Variants in NXPH1 observed in about 807,000 individuals in gnomAD.
The protein encoded by NXPH1 is neurexophilin-1.
In NXPH1, 5 loss-of-function variants were observed where a neutral mutation model predicts 23.7. That is an observed-to-expected ratio of 0.21 (90% CI 0.11 to 0.44). The LOEUF (loss-of-function observed/expected upper bound fraction) is 0.44. Among genes scored for constraint, NXPH1 ranks in the 20% least tolerant of loss-of-function variants. NXPH1 has a pLI of 0.99. For missense variants in NXPH1, 324 were observed against 321.6 expected (o/e 1.01, Z -0.06); for synonymous variants, 144 against 122.2 (o/e 1.18, Z -1.18).
intron 2 of NXPH1, among the ~76,000 whole-genome samples, chr7:8,447,805 C>T (rs1233492066): frequency 6.6e-6 from 1 of 152,190 alleles, no homozygotes; most frequent in Non-Finnish European, 1.5e-5. Flanking sequence ...TTCCCCCCCA[C>T]CCTTGATGTT....
intron 2 of NXPH1, among the ~76,000 whole-genome samples, chr7:8,460,969 C>T (rs922220661): frequency 2.0e-5 from 3 of 152,206 alleles, no homozygotes; most frequent in African/African-American, 7.2e-5. Context: ...ATTTCCCTTA[C>T]TTTTGGCTAT....
rs1040140012 is a variant in NXPH1 at position 8,434,652 on chromosome 7, G to A, written c.-214G>A. 7 of 152,714 alleles carry A rather than the reference G, an allele frequency of 4.6e-5. No individual in the cohort carries two copies. The highest frequency in any genetic ancestry group is 1.2e-4 in the African/African-American group (5 of 41,466). 9.5% of individuals were successfully genotyped at this position (152,714 alleles called of 1,614,324 possible). On this transcript the variant is annotated 5_prime_UTR_variant, in exon 1 of 3. Coordinates refer to ENST00000405863, the MANE Select transcript of NXPH1 (RefSeq NM_152745.3). The surrounding 1 kb of genome is among the most constrained non-coding windows in gnomAD (Gnocchi z 7.6). ...CTCGAGCATGGAGACGGAGCGCCTG[G>A]GAGGGCACGTCCGGGGCGCTGGAGA... is the stretch of plus-strand genomic sequence containing the variant.
intron 2 of NXPH1, among the ~76,000 whole-genome samples, chr7:8,634,697 C>CCCG (rs1272511200): frequency 1.3e-5 from 1 of 76,370 alleles, no homozygotes; most frequent in Non-Finnish European, 2.6e-5. Flanking sequence ...TTTTTTTTTC[C>CCCG]AAAGAGCAGC....
chr7:8,447,819 C>T (rs1406818924), intron 2 of NXPH1, among the ~76,000 whole-genome samples: 3 of 152,168 alleles, frequency 2.0e-5, no homozygotes, highest in African/African-American at 7.2e-5. Flanking sequence ...TGATGTTCCT[C>T]GAACAAGTGG....
intron 2 of NXPH1, among the ~76,000 whole-genome samples, chr7:8,436,964 C>T (rs1163893744): frequency 6.6e-6 from 1 of 152,244 alleles, no homozygotes; most frequent in Non-Finnish European, 1.5e-5. Context: ...ATGTGAGTGA[C>T]ACGTATATAT....
intron 2 of NXPH1, among the ~76,000 whole-genome samples, chr7:8,554,592 G>C (rs1023453281): frequency 6.6e-6 from 1 of 151,622 alleles, no homozygotes; most frequent in Non-Finnish European, 1.5e-5. Flanking sequence ...TCCTTTCTTA[G>C]GTTCACATTT....
intron 2 of NXPH1, among the ~76,000 whole-genome samples, chr7:8,486,654 C>A (rs1193412671): frequency 1.3e-5 from 2 of 152,154 alleles, no homozygotes; most frequent in Non-Finnish European, 2.9e-5. Context: ...CCAGCCCTGC[C>A]TGCCTCTCCA....
chr7:8,694,456 A>T (rs192857090), intron 2 of NXPH1, among the ~76,000 whole-genome samples: 1 of 152,320 alleles, frequency 6.6e-6, no homozygotes, highest in African/African-American at 2.4e-5. Flanking sequence ...CAACTTGGTC[A>T]TATGGTAGAG....
chr7:8,590,241 C>T (rs1168450703), intron 2 of NXPH1, among the ~76,000 whole-genome samples: 1 of 152,096 alleles, frequency 6.6e-6, no homozygotes, highest in African/African-American at 2.4e-5. Context: ...CGAAACTCTG[C>T]ATCCAGAGTT....
At chr7:8,447,803 C>G (rs376348561) in intron 2 of NXPH1, among the ~76,000 whole-genome samples, 2 of 152,308 alleles carry the variant, frequency 1.3e-5, no homozygotes, top group South Asian at 2.1e-4. Flanking sequence ...GATTCCCCCC[C>G]ACCCTTGATG....
chr7:8,510,336 C>G (rs1817591927), intron 2 of NXPH1, among the ~76,000 whole-genome samples: 1 of 152,048 alleles, frequency 6.6e-6, no homozygotes, highest in Admixed American at 6.6e-5. Context: ...CTTTCACAAA[C>G]ATTATTTTAT....
At chr7:8,617,374 G>A (rs1819767156) in intron 2 of NXPH1, among the ~76,000 whole-genome samples, 1 of 152,038 alleles carries the variant, frequency 6.6e-6, no homozygotes, top group Non-Finnish European at 1.5e-5. Flanking sequence ...TTGCATCACT[G>A]TTTACAATAG....
chr7:8,559,137 T>G (rs79850879), intron 2 of NXPH1, among the ~76,000 whole-genome samples: 145 of 151,524 alleles, frequency 9.6e-4, no homozygotes, highest in African/African-American at 3.4e-3. Flanking sequence ...TTTAAAAATT[T>G]TTTAGAGACA....
intron 2 of NXPH1, among the ~76,000 whole-genome samples, chr7:8,522,203 A>C (rs1327091601): frequency 6.6e-6 from 1 of 152,182 alleles, no homozygotes; most frequent in Non-Finnish European, 1.5e-5. Flanking sequence ...TTGAACAAAG[A>C]CCATAAGAAT....
At chr7:8,609,968 G>A (rs143034773) in intron 2 of NXPH1, among the ~76,000 whole-genome samples, 9 of 152,196 alleles carry the variant, frequency 5.9e-5, no homozygotes, top group Non-Finnish European at 8.8e-5. Flanking sequence ...AAATTTACTT[G>A]TTTGATTTAG....
At chr7:8,503,546 A>C (rs1294703761) in intron 2 of NXPH1, among the ~76,000 whole-genome samples, 2 of 151,982 alleles carry the variant, frequency 1.3e-5, no homozygotes, top group Admixed American at 1.3e-4. Context: ...TTCTGCCTTA[A>C]CTATTTCTTC....
At chr7:8,530,711 CAGG>C (rs1437755834) in intron 2 of NXPH1, among the ~76,000 whole-genome samples, 1 of 152,216 alleles carries the variant, frequency 6.6e-6, no homozygotes, top group East Asian at 1.9e-4. Flanking sequence ...GGGTGCCATG[CAGG>C]CCCTTGCCCA....
At chr7:8,474,263 TC>T (rs778333603) in intron 2 of NXPH1, among the ~76,000 whole-genome samples, 5 of 152,152 alleles carry the variant, frequency 3.3e-5, no homozygotes, top group Non-Finnish European at 7.3e-5. Context: ...TTCTTTCTCT[TC>T]AGTTGGTGCA....
intron 2 of NXPH1, among the ~76,000 whole-genome samples, chr7:8,616,328 C>T (rs1250896173): frequency 6.6e-6 from 1 of 152,012 alleles, no homozygotes; most frequent in East Asian, 1.9e-4. Context: ...TGAGCTCTTC[C>T]CTGATGACCC....
Sources: allele counts gnomAD v4.1 joint callset (sites outside exome capture counted in the v4.1 genomes callset), GRCh38; gene constraint gnomAD v4.1.1; non-coding constraint Gnocchi (gnomAD v3.1); transcripts MANE v1.5; gene names NCBI Gene and HGNC (gene_info 2026-07-23, HGNC 2026-07-21).